The following RAPGEF6 variants were observed in gnomAD, a reference collection of about 807,000 sequenced individuals.
RAPGEF6 encodes the protein Rap guanine nucleotide exchange factor 6, also known as PDZ domain containing guanine nucleotide exchange factor (GEF) 2.
A neutral mutation model predicts 171.4 loss-of-function variants in RAPGEF6; 56 were observed. The observed-to-expected ratio is 0.33, with a 90% CI of 0.26 to 0.41. The LOEUF (loss-of-function observed/expected upper bound fraction) is 0.41. RAPGEF6 is among the 10% of genes least tolerant of loss of function. The pLI is 1.00. For missense variants in RAPGEF6, 1,674 were observed against 1,921.4 expected, an observed-to-expected ratio of 0.87 and a Z score of 2.41; for synonymous variants, 692 against 650.1, an observed-to-expected ratio of 1.06 and a Z score of -0.98.
At chr5:131,565,674 C>A (rs1378715929) in intron 4 of RAPGEF6, among the ~76,000 whole-genome samples, 1 of 152,038 alleles carries the variant, frequency 6.6e-6, no homozygotes, top group Non-Finnish European at 1.5e-5. Context: ...ATAGAGAGAA[C>A]AAAAGGAGAC....
intron 5 of RAPGEF6, among the ~76,000 whole-genome samples, chr5:131,554,597 G>A (rs998543527): frequency 6.6e-6 from 1 of 152,126 alleles, no homozygotes. Context: ...TTGGCTCGCT[G>A]CAACCTCCAC....
intron 3 of RAPGEF6, among the ~76,000 whole-genome samples, chr5:131,596,567 C>A (rs1366011625): frequency 2.0e-5 from 3 of 151,808 alleles, no homozygotes; most frequent in Non-Finnish European, 4.4e-5. Flanking sequence ...GCTACTGCAA[C>A]CAAAAAAGCA....
intron 1 of RAPGEF6, among the ~76,000 whole-genome samples, chr5:131,619,992 A>G (rs1288620369): frequency 6.6e-6 from 1 of 152,212 alleles, no homozygotes; most frequent in Non-Finnish European, 1.5e-5. Context: ...AAATGTATAT[A>G]AAGTTTTCAT....
intron 1 of RAPGEF6, among the ~76,000 whole-genome samples, chr5:131,608,794 T>C (rs1377642211): frequency 2.0e-5 from 3 of 151,544 alleles, no homozygotes; most frequent in Admixed American, 6.6e-5. Context: ...CTCTCTTGCT[T>C]CCTCCCTTAC....
intron 21 of RAPGEF6, among the ~76,000 whole-genome samples, chr5:131,448,605 G>A (rs528014299): frequency 6.6e-6 from 1 of 152,238 alleles, no homozygotes; most frequent in South Asian, 2.1e-4. Flanking sequence ...AAAAAAGTAG[G>A]TGTTGACAAA....
At chr5:131,518,026 G>T (rs1310802158) in intron 7 of RAPGEF6, among the ~76,000 whole-genome samples, 1 of 150,602 alleles carries the variant, frequency 6.6e-6, no homozygotes, top group African/African-American at 2.4e-5. Context: ...AAAAATGTTC[G>T]TTTAAGAAAC....
chr5:131,433,621 C>G lies in RAPGEF6; in HGVS notation c.3783G>C (p.Leu1261Phe), dbSNP rs1751844184. The change falls in exon 25 of 28, where the codon TTG becomes TTC. Residue 1261 changes from leucine (L) to phenylalanine (F), a missense_variant. Physicochemically the swap from Leu to Phe is conservative, Grantham distance 22. Transcript: ENST00000509018. Reference sequence around the variant, plus strand: ...AAATCTCACTATGGCTGGAGTCAGACAAGTTGTCAGATTTAGCTGATGGAA... The same window carrying G: ...AAATCTCACTATGGCTGGAGTCAGAGAAGTTGTCAGATTTAGCTGATGGAA... ...TLIPSAKSDNLSDSSHSEISS... is the reference protein window; with the variant it reads ...TLIPSAKSDNFSDSSHSEISS... 1 of 1,612,576 alleles carries G rather than the reference C, an allele frequency of 6.2e-7. No homozygotes were observed. Among genetic ancestry groups the G allele is most frequent in the Admixed American group, 1.7e-5 (1 of 59,904 alleles).
intron 4 of RAPGEF6, 120 bp from the exon 5 acceptor site, chr5:131,562,167 C>T: frequency 1.6e-6 from 1 of 629,698 alleles, no homozygotes. Flanking sequence ...AATTCTGATC[C>T]TGTCACAATA....
At chr5:131,470,874 T>A (rs1016326456) in intron 17 of RAPGEF6, among the ~76,000 whole-genome samples, 3 of 152,190 alleles carry the variant, frequency 2.0e-5, no homozygotes, top group Non-Finnish European at 4.4e-5. Flanking sequence ...TTCTGAAAGT[T>A]CATTCCATAC....
At chr5:131,463,912 C>G in intron 18 of RAPGEF6, 129 bp downstream of exon 18, 1 of 1,414,990 alleles carries the variant, frequency 7.1e-7, no homozygotes, top group African/African-American at 1.4e-5. Context: ...GATATTTTAT[C>G]AAGCGTCTTC....
At chr5:131,585,288 C>CTATA (rs1763183193) in intron 4 of RAPGEF6, among the ~76,000 whole-genome samples, 1 of 79,586 alleles carries the variant, frequency 1.3e-5, no homozygotes, top group Non-Finnish European at 2.7e-5. Context: ...AAAAAAAAAA[C>CTATA]TATACATACA....
At chr5:131,594,589 G>A (rs1270971436) in intron 3 of RAPGEF6, among the ~76,000 whole-genome samples, 1 of 152,158 alleles carries the variant, frequency 6.6e-6, no homozygotes, top group Non-Finnish European at 1.5e-5. Context: ...CCCCAGAATG[G>A]TAGAACCACA....
At chr5:131,572,697 G>A (rs890910395) in intron 4 of RAPGEF6, among the ~76,000 whole-genome samples, 1 of 152,044 alleles carries the variant, frequency 6.6e-6, no homozygotes, top group Non-Finnish European at 1.5e-5. Flanking sequence ...CTCTACCTTC[G>A]TCCTTAAATT....
At chr5:131,441,382 C>T (rs1752374692) in intron 23 of RAPGEF6, among the ~76,000 whole-genome samples, 1 of 152,224 alleles carries the variant, frequency 6.6e-6, no homozygotes, top group South Asian at 2.1e-4. Context: ...ATGCAATTTC[C>T]ACTCAGCGTC....
rs1006288590 is a variant in RAPGEF6, at chr5:131,455,651, G to A, written c.3076+150C>T. The A allele has an allele frequency of 6.7e-5, 43 of 642,232 alleles. No individual in the cohort carries two copies. In the Admixed American group the frequency reaches 1.0e-3, roughly 15 times the overall value. 39.8% of individuals were successfully genotyped at this position (642,232 alleles called of 1,614,324 possible). A position where few individuals can be genotyped will look rare whatever the true frequency, so the allele number is the denominator to read the frequency against. ...TTAAACTAATTAACAAATATGTATG[G>A]TATGACATCTAATTCAACACTAGAA... On this transcript the variant is annotated intron_variant, in intron 20 of 27. Transcript: ENST00000509018.
intron 1 of RAPGEF6, among the ~76,000 whole-genome samples, chr5:131,617,574 T>C (rs1346915301): frequency 1.3e-5 from 2 of 152,114 alleles, no homozygotes; most frequent in Non-Finnish European, 2.9e-5. Context: ...TGCCTCAGCC[T>C]CTTGAGTAGC....
intron 4 of RAPGEF6, among the ~76,000 whole-genome samples, chr5:131,567,581 T>C (rs577269123): frequency 2.0e-5 from 3 of 152,280 alleles, no homozygotes; most frequent in South Asian, 4.1e-4. Context: ...TATAACAGAA[T>C]TGCACTGTAG....
Position 131,635,209 on chromosome 5 carries a change from C to T in RAPGEF6, c.-179G>A. The T allele has an allele frequency of 1.6e-6, 1 of 606,248 alleles. No homozygotes were observed. Among genetic ancestry groups the T allele is most frequent in the East Asian group, 3.1e-5 (1 of 32,582 alleles). The allele number at this position is 606,248 out of a possible 1,614,324, so 37.6% of individuals were successfully genotyped here. ...CCCGCCTAAGGCCTCTACCCACGCGCGACTGGCCGGAGACAAGTCTGCGCG... is the reference window on the plus strand; with the variant it reads ...CCCGCCTAAGGCCTCTACCCACGCGTGACTGGCCGGAGACAAGTCTGCGCG... On this transcript the variant is annotated 5_prime_UTR_variant, in exon 1 of 28. Coordinates refer to ENST00000509018, the MANE Select transcript of RAPGEF6 (RefSeq NM_016340.6).
intron 1 of RAPGEF6, among the ~76,000 whole-genome samples, chr5:131,625,694 T>C (rs1362096570): frequency 6.6e-6 from 1 of 151,856 alleles, no homozygotes; most frequent in Non-Finnish European, 1.5e-5. Context: ...CGAGCGGCAG[T>C]AGTCCCAGCT....
Sources: allele counts gnomAD v4.1 joint callset (sites outside exome capture counted in the v4.1 genomes callset), GRCh38; gene constraint gnomAD v4.1.1; transcripts MANE v1.5; gene names NCBI Gene and HGNC (gene_info 2026-07-23, HGNC 2026-07-21).